SMAP1: variants seen among roughly 807,000 people sequenced by gnomAD.
The protein encoded by SMAP1 is small ArfGAP 1, also known as stromal membrane-associated protein 1.
SMAP1 carries 24 observed loss-of-function variants against 58.5 expected under a neutral mutation model. The ratio of observed to expected loss-of-function variants is 0.41; its 90% CI spans 0.30 to 0.58. The LOEUF (loss-of-function observed/expected upper bound fraction) is 0.58, where lower values mean the gene tolerates loss of function less well. SMAP1 is among the 20% of genes least tolerant of loss of function. SMAP1 has a pLI of 0.29. For missense variants in SMAP1, 563 were observed against 566.3 expected, an observed-to-expected ratio of 0.99 and a Z score of 0.06; for synonymous variants, 216 against 196.6, an observed-to-expected ratio of 1.10 and a Z score of -0.82.
chr6:70,725,714 T>G (rs1373484964), intron 1 of SMAP1, among the ~76,000 whole-genome samples: 8 of 152,188 alleles, frequency 5.3e-5, no homozygotes, highest in Admixed American at 5.2e-4. Context: ...TCCTCTTCTG[T>G]TCCTCCTTGG....
At chr6:70,829,322 A>T (rs1035229360) in intron 6 of SMAP1, among the ~76,000 whole-genome samples, 13 of 150,514 alleles carry the variant, frequency 8.6e-5, no homozygotes, top group Non-Finnish European at 7.4e-5. Context: ...TATGTTGTCC[A>T]GCCTGTTCTC....
At chr6:70,825,661 A>G (rs1445827304) in intron 6 of SMAP1, among the ~76,000 whole-genome samples, 1 of 152,226 alleles carries the variant, frequency 6.6e-6, no homozygotes, top group Non-Finnish European at 1.5e-5. Flanking sequence ...TGACAAGTTT[A>G]GCAGTACTGT....
intron 7 of SMAP1, among the ~76,000 whole-genome samples, chr6:70,849,743 A>C (rs1771116455): frequency 1.3e-5 from 2 of 152,212 alleles, no homozygotes; most frequent in African/African-American, 4.8e-5. Context: ...AACACACATA[A>C]AATTTACCAT....
chr6:70,677,432 C>CTTTTTTT (rs58133069), intron 1 of SMAP1, among the ~76,000 whole-genome samples: 1 of 60,376 alleles, frequency 1.7e-5, no homozygotes, highest in Admixed American at 2.4e-4. Flanking sequence ...CTTGTCACTT[C>CTTTTTTT]TTTTTTTTTT....
rs781073372 is a variant in SMAP1 at position 70,668,074 on chromosome 6, C to T, written c.51C>T (p.His17=). Residue 17 remains histidine, a synonymous_variant, in exon 1 of 11, where the codon CAC becomes CAT. Coordinates refer to ENST00000370455, the MANE Select transcript of SMAP1 (RefSeq NM_001044305.3). The part of the protein sequence containing the change: ...REKAQKLNEQ[H]QLILSKLLRE... ...AGGCTCAGAAGCTGAACGAGCAGCACCAGCTCATCCTATCCAAGCTTCTGA... is the reference window on the plus strand; with the variant it reads ...AGGCTCAGAAGCTGAACGAGCAGCATCAGCTCATCCTATCCAAGCTTCTGA... 2.5e-6 allele frequency: 4 copies of T among 1,605,714 alleles called. No individual in the cohort carries two copies. The highest frequency in any genetic ancestry group is 3.4e-6 in the Non-Finnish European group (4 of 1,176,720).
At chr6:70,781,851 A>G (rs1466227132) in intron 4 of SMAP1, among the ~76,000 whole-genome samples, 3 of 152,092 alleles carry the variant, frequency 2.0e-5, no homozygotes, top group Admixed American at 6.6e-5. Flanking sequence ...TTTCTTTTGC[A>G]TGAGGTAAGT....
chr6:70,739,325 T>C (rs1394610084), intron 2 of SMAP1, among the ~76,000 whole-genome samples: 1 of 152,160 alleles, frequency 6.6e-6, no homozygotes, highest in Non-Finnish European at 1.5e-5. Flanking sequence ...AAATAAAATA[T>C]ATAATTAAAA....
At chr6:70,785,556 A>G (rs1417883154) in intron 4 of SMAP1, among the ~76,000 whole-genome samples, 1 of 152,226 alleles carries the variant, frequency 6.6e-6, no homozygotes, top group African/African-American at 2.4e-5. Context: ...GACCGCTAGC[A>G]GGACTAATAA....
At chr6:70,715,837 A>C (rs1352021413) in intron 1 of SMAP1, among the ~76,000 whole-genome samples, 1 of 152,134 alleles carries the variant, frequency 6.6e-6, no homozygotes, top group Non-Finnish European at 1.5e-5. Context: ...GTGTGCTGTC[A>C]TCACTCGAGC....
chr6:70,749,646 A>G (rs765055509), intron 2 of SMAP1, among the ~76,000 whole-genome samples: 4 of 151,850 alleles, frequency 2.6e-5, no homozygotes, highest in Non-Finnish European at 5.9e-5. Context: ...GTCAGTACAC[A>G]TATACAAATT....
chr6:70,838,550 T>C (rs1386455198), intron 7 of SMAP1, among the ~76,000 whole-genome samples: 4 of 152,184 alleles, frequency 2.6e-5, no homozygotes, highest in Admixed American at 6.5e-5. Flanking sequence ...AGATGTCTTA[T>C]TGGAGCAAAG....
chr6:70,804,973 T>C (rs1769053116), intron 6 of SMAP1, among the ~76,000 whole-genome samples: 2 of 152,040 alleles, frequency 1.3e-5, no homozygotes, highest in African/African-American at 2.4e-5. Context: ...ATGACAATTA[T>C]GTGTCTTGGG....
intron 5 of SMAP1, among the ~76,000 whole-genome samples, chr6:70,797,879 C>T (rs1768672777): frequency 6.6e-6 from 1 of 152,208 alleles, no homozygotes; most frequent in South Asian, 2.1e-4. Context: ...TTCTAGTCAT[C>T]TCTTTCCTCT....
intron 4 of SMAP1, among the ~76,000 whole-genome samples, chr6:70,777,334 G>T (rs561214937): frequency 6.6e-6 from 1 of 152,090 alleles, no homozygotes; most frequent in South Asian, 2.1e-4. Flanking sequence ...GTTCCTATTC[G>T]GCCATCTTGG....
intron 2 of SMAP1, among the ~76,000 whole-genome samples, chr6:70,752,967 T>G (rs995136367): frequency 1.3e-5 from 2 of 152,156 alleles, no homozygotes; most frequent in African/African-American, 4.8e-5. Flanking sequence ...CTTTCAGATT[T>G]TAATGTTACT....
At chr6:70,696,206 G>A (rs765145884) in intron 1 of SMAP1, among the ~76,000 whole-genome samples, 1 of 151,996 alleles carries the variant, frequency 6.6e-6, no homozygotes, top group East Asian at 1.9e-4. Flanking sequence ...AAAAAAAACA[G>A]CATTTTGTTT....
chr6:70,780,217 AG>A (rs1325189746), intron 4 of SMAP1, among the ~76,000 whole-genome samples: 2 of 152,162 alleles, frequency 1.3e-5, no homozygotes, highest in African/African-American at 4.8e-5. Flanking sequence ...ATATAGAATG[AG>A]TCTACCTCCC....
intron 1 of SMAP1, among the ~76,000 whole-genome samples, chr6:70,670,331 C>T (rs1218281124): frequency 6.6e-6 from 1 of 152,088 alleles, no homozygotes; most frequent in East Asian, 1.9e-4. Context: ...ATTGTTTTAT[C>T]TTGATCTTTC....
chr6:70,781,561 G>A (rs1417882605), intron 4 of SMAP1, among the ~76,000 whole-genome samples: 1 of 152,132 alleles, frequency 6.6e-6, no homozygotes, highest in Non-Finnish European at 1.5e-5. Context: ...ACACATCCAG[G>A]AATTTCTAAA....
Sources: allele counts gnomAD v4.1 joint callset (sites outside exome capture counted in the v4.1 genomes callset), GRCh38; gene constraint gnomAD v4.1.1; transcripts MANE v1.5; gene names NCBI Gene and HGNC (gene_info 2026-07-23, HGNC 2026-07-21).